The following FGF7 variants were observed in gnomAD, a reference collection of about 807,000 sequenced individuals.
FGF7 encodes fibroblast growth factor 7.
A neutral mutation model predicts 20.5 loss-of-function variants in FGF7; 6 were observed. The ratio of observed to expected loss-of-function variants is 0.29; its 90% confidence interval spans 0.16 to 0.58. FGF7 has a LOEUF of 0.58. Ranked by LOEUF, FGF7 falls within the 20% of genes least tolerant of loss-of-function variation. The probability of loss-of-function intolerance (pLI) is 0.90; values close to 1 mark genes in which losing one functional copy is unlikely to be tolerated. For missense variants in FGF7, 144 were observed against 228.8 expected (o/e 0.63, Z 2.39); for synonymous variants, 64 against 74.7 (o/e 0.86, Z 0.74).
In FGF7 at chr15:49,424,408, A is replaced by G; in HGVS notation, c.111A>G (p.Pro37=). ...CTTTAGCTTGCAATGACATGACTCCAGAGCAAATGGCTACAAATGTGAACT... is the reference window on the plus strand; with the variant it reads ...CTTTAGCTTGCAATGACATGACTCCGGAGCAAATGGCTACAAATGTGAACT... ...TISLACNDMT[P]EQMATNVNCS... is the part of the protein sequence containing the mutation. The change falls in exon 2 of 4, where the codon CCA becomes CCG. Residue 37 remains proline (P), a synonymous_variant. Coordinates refer to ENST00000267843, the MANE Select transcript of FGF7 (RefSeq NM_002009.4). 2 of 1,613,768 alleles carry G rather than the reference A, an allele frequency of 1.2e-6. No individual in the cohort carries two copies. The highest frequency in any genetic ancestry group is 1.7e-6 in the Non-Finnish European group (2 of 1,179,750).
At chr15:49,457,137 G>C (rs1310261097) in intron 2 of FGF7, among the ~76,000 whole-genome samples, 1 of 152,004 alleles carries the variant, frequency 6.6e-6, no homozygotes, top group Non-Finnish European at 1.5e-5. Context: ...TTCATGAACA[G>C]TAGAGAACTA....
chr15:49,483,184 T>C lies in FGF7; in HGVS notation c.320T>C (p.Ile107Thr). 1 of 1,590,090 alleles carries C rather than the reference T, an allele frequency of 6.3e-7. No homozygotes were observed. Among genetic ancestry groups the C allele is most frequent in the Non-Finnish European group, 8.5e-7 (1 of 1,174,150 alleles). Residue 107 changes from isoleucine (I) to threonine (T), a missense_variant, in exon 3 of 4, where the codon ATT becomes ACT. Physicochemically the swap from Ile to Thr is moderately conservative, Grantham distance 89 (BLOSUM62 -1). This residue lies in a region of FGF7 where 56 missense variants were observed against 125.4 expected (regional missense o/e 0.45). Transcript: ENST00000267843. ...GAAATCAGGACAGTGGCAGTTGGAA[T>C]TGTGGCAATCAAAGGGGTGGAAAGT... ...IMEIRTVAVG[I>T]VAIKGVESEF...
intron 2 of FGF7, among the ~76,000 whole-genome samples, chr15:49,436,506 T>C (rs527913450): frequency 2.0e-4 from 30 of 151,720 alleles, no homozygotes; most frequent in African/African-American, 7.2e-4. Context: ...GGGCCATTAG[T>C]ATTAAGATAA....
At chr15:49,481,039 C>T (rs2055896548) in intron 2 of FGF7, among the ~76,000 whole-genome samples, 1 of 152,190 alleles carries the variant, frequency 6.6e-6, no homozygotes, top group Non-Finnish European at 1.5e-5. Flanking sequence ...TAAACTTGTG[C>T]ATCAGCATTC....
intron 2 of FGF7, among the ~76,000 whole-genome samples, chr15:49,439,867 C>A (rs2051471079): frequency 6.6e-6 from 1 of 151,654 alleles, no homozygotes; most frequent in Non-Finnish European, 1.5e-5. Flanking sequence ...AATTACAGGT[C>A]TGGAAGGAAG....
At chr15:49,445,453 A>G (rs1597240073) in intron 2 of FGF7, among the ~76,000 whole-genome samples, 1 of 151,722 alleles carries the variant, frequency 6.6e-6, no homozygotes, top group South Asian at 2.1e-4. Context: ...TTGAAATGTA[A>G]GTTTTCTATT....
At chr15:49,453,321 C>T (rs902515277) in intron 2 of FGF7, among the ~76,000 whole-genome samples, 2 of 151,982 alleles carry the variant, frequency 1.3e-5, no homozygotes, top group Non-Finnish European at 2.9e-5. Flanking sequence ...CCAGGCTGGT[C>T]TCAAATGCCT....
chr15:49,454,724 C>T (rs942685542), intron 2 of FGF7, among the ~76,000 whole-genome samples: 6 of 152,324 alleles, frequency 3.9e-5, no homozygotes, highest in Middle Eastern at 3.4e-3. Flanking sequence ...ATTCTCCTGC[C>T]TCAGCCTCTC....
intron 2 of FGF7, among the ~76,000 whole-genome samples, chr15:49,426,463 G>C (rs1403539578): frequency 6.6e-6 from 1 of 151,856 alleles, no homozygotes; most frequent in Non-Finnish European, 1.5e-5. Context: ...AAGCAAAAAA[G>C]TAGATGTAAA....
rs1426871357 is a variant in FGF7, at chr15:49,486,049, T to C, written c.*1545T>C. On this transcript the variant is annotated 3_prime_UTR_variant, in exon 4 of 4. Transcript: ENST00000267843. ...AATTTCCACTTCAAAAGTCTTTCAT[T>C]GGCAGATCTTGGTAGCACTTTATAT... The C allele has an allele frequency of 6.6e-6, 1 of 152,032 alleles. No individual in the cohort carries two copies. Among genetic ancestry groups the C allele is most frequent in the Non-Finnish European group, 1.5e-5 (1 of 67,942 alleles). 9.4% of individuals were successfully genotyped at this position (152,032 alleles called of 1,614,324 possible). A position where few individuals can be genotyped will look rare whatever the true frequency, so the allele number is the denominator to read the frequency against.
chr15:49,479,181 G>A (rs1761507190), intron 2 of FGF7, among the ~76,000 whole-genome samples: 1 of 152,126 alleles, frequency 6.6e-6, no homozygotes, highest in Admixed American at 6.5e-5. Flanking sequence ...TTGCTGACAA[G>A]GCTAAATGGT....
intron 2 of FGF7, among the ~76,000 whole-genome samples, chr15:49,446,606 GA>G: frequency 6.6e-6 from 1 of 151,496 alleles, no homozygotes; most frequent in South Asian, 2.1e-4. Context: ...CTTTTTTAAA[GA>G]AGAGAACAAA....
intron 2 of FGF7, among the ~76,000 whole-genome samples, chr15:49,476,232 G>GTTTT: frequency 5.2e-4 from 30 of 57,434 alleles, no homozygotes; most frequent in Non-Finnish European, 6.9e-4. Context: ...TTTGTTTTTG[G>GTTTT]TTTTTTTTTT....
In FGF7 at chr15:49,488,047, C is replaced by T. The variant is rs929539181; in HGVS notation, c.*3543C>T. On this transcript the variant is annotated 3_prime_UTR_variant, in exon 4 of 4. Coordinates refer to ENST00000267843, the MANE Select transcript of FGF7 (RefSeq NM_002009.4). Reference sequence around the variant, plus strand: ...TAGGAGTGATAACAAAAATATTTAACAGTCAGTATGGGTGATTACTGGCCA... The same window carrying T: ...TAGGAGTGATAACAAAAATATTTAATAGTCAGTATGGGTGATTACTGGCCA... 5.3e-5 allele frequency: 8 copies of T among 151,932 alleles called. No homozygotes were observed. Among genetic ancestry groups the T allele is most frequent in the African/African-American group, 1.9e-4 (8 of 41,412 alleles). The allele number at this position is 151,932 out of a possible 1,614,324, so 9.4% of individuals were successfully genotyped here. A position where few individuals can be genotyped will look rare whatever the true frequency, so the allele number is the denominator to read the frequency against.
chr15:49,440,311 C>G, intron 2 of FGF7, among the ~76,000 whole-genome samples: 1 of 151,488 alleles, frequency 6.6e-6, no homozygotes, highest in East Asian at 2.0e-4. Flanking sequence ...CACCAAATGT[C>G]AAAAAGTTGA....
At chr15:49,481,072 T>C (rs1483611202) in intron 2 of FGF7, among the ~76,000 whole-genome samples, 8 of 152,138 alleles carry the variant, frequency 5.3e-5, no homozygotes, top group African/African-American at 1.9e-4. Context: ...AAAGAAAATA[T>C]ATTAAATAAA....
Position 49,483,162 on chromosome 15 carries a change from A to G in FGF7, c.298A>G (p.Ile100Val). The change falls in exon 3 of 4, where the codon ATC (isoleucine) becomes GTC (valine). Residue 100 changes from isoleucine to valine, a missense_variant. Physicochemically the swap from Ile to Val is conservative, Grantham distance 29. Around this residue, in one of 2 missense-constraint regions of FGF7, gnomAD observed 56 missense variants for 125.4 expected, o/e 0.45. Transcript: ENST00000267843. Reference protein sequence around the residue: ...EMKNNYNIMEIRTVAVGIVAI... With the variant: ...EMKNNYNIMEVRTVAVGIVAI... The stretch of plus-strand genomic sequence containing the variant: ...GTGATTCCTTGCAGATATCATGGAA[A>G]TCAGGACAGTGGCAGTTGGAATTGT... 1 of 1,574,126 alleles carries G rather than the reference A, an allele frequency of 6.4e-7. No individual in the cohort carries two copies. Among genetic ancestry groups the G allele is most frequent in the Non-Finnish European group, 8.6e-7 (1 of 1,159,582 alleles).
chr15:49,460,697 T>C (rs2053712967), intron 2 of FGF7, among the ~76,000 whole-genome samples: 2 of 152,184 alleles, frequency 1.3e-5, no homozygotes, highest in South Asian at 4.1e-4. Context: ...ATACCAGTCA[T>C]GTATATAATA....
intron 2 of FGF7, among the ~76,000 whole-genome samples, chr15:49,472,107 G>A (rs2054835947): frequency 6.6e-6 from 1 of 151,786 alleles, no homozygotes; most frequent in South Asian, 2.1e-4. Context: ...TGTTAGCTTA[G>A]AATAACTGAA....
Sources: allele counts gnomAD v4.1 joint callset (sites outside exome capture counted in the v4.1 genomes callset), GRCh38; gene constraint gnomAD v4.1.1; regional missense constraint gnomAD v4.1.1; transcripts MANE v1.5; gene names NCBI Gene and HGNC (gene_info 2026-07-23, HGNC 2026-07-21).